Variants in TRAPPC3L observed in about 807,000 individuals in gnomAD.
TRAPPC3L encodes trafficking protein particle complex subunit 3L, also known as trafficking protein particle complex subunit 3-like protein.
TRAPPC3L carries 23 observed loss-of-function variants against 23.7 expected under a neutral mutation model. That is an observed-to-expected ratio of 0.97 (90% CI 0.70 to 1.37). The LOEUF is 1.37. Among genes scored for constraint, TRAPPC3L ranks in the 40% most tolerant of loss-of-function variants. TRAPPC3L has a pLI of 0.00. For synonymous variants in TRAPPC3L, 81 were observed against 77.9 expected, an observed-to-expected ratio of 1.04 and a Z score of -0.21; for missense variants, 212 against 216.8, an observed-to-expected ratio of 0.98 and a Z score of 0.14.
At chr6:116,503,921 GA>G (rs774966744) in intron 3 of TRAPPC3L, among the ~76,000 whole-genome samples, 18 of 152,256 alleles carry the variant, frequency 1.2e-4, no homozygotes, top group Non-Finnish European at 2.4e-4. Context: ...GACAAAGCAG[GA>G]AAGATCTAAA....
chr6:116,543,926 A>ATAGT, intron 1 of TRAPPC3L: 1 of 1,328,952 alleles, frequency 7.5e-7, no homozygotes, highest in Non-Finnish European at 1.0e-6. Context: ...ATATTTCCTT[A>ATAGT]TAGTTCTCCA....
chr6:116,521,433 G>C (rs567952766), intron 3 of TRAPPC3L: 1 of 151,964 alleles, frequency 6.6e-6, no homozygotes, highest in Non-Finnish European at 1.5e-5. Flanking sequence ...TTATTTCCAA[G>C]GGCCAATAGA....
chr6:116,505,105 A>G (rs1283230714), intron 3 of TRAPPC3L, among the ~76,000 whole-genome samples: 2 of 152,204 alleles, frequency 1.3e-5, no homozygotes, highest in East Asian at 1.9e-4. Context: ...ACATGATTGT[A>G]TATTTAGAAA....
intron 3 of TRAPPC3L, among the ~76,000 whole-genome samples, chr6:116,535,722 T>G (rs769675142): frequency 3.9e-5 from 6 of 152,220 alleles, no homozygotes; most frequent in Non-Finnish European, 8.8e-5. Flanking sequence ...CTACTGAATA[T>G]TACACATTTT....
At chr6:116,503,096 A>T (rs1406180825) in intron 3 of TRAPPC3L, among the ~76,000 whole-genome samples, 1 of 152,188 alleles carries the variant, frequency 6.6e-6, no homozygotes, top group Admixed American at 6.5e-5. Flanking sequence ...ATGAAGAGTC[A>T]AGACCCATCA....
intron 3 of TRAPPC3L, chr6:116,516,262 AACAG>A (rs1772222627): frequency 6.3e-6 from 2 of 318,152 alleles, no homozygotes; most frequent in East Asian, 1.0e-4. Context: ...TTTATCATTC[AACAG>A]ACAGACTCAT....
chr6:116,539,564 T>C (rs1773301437), intron 3 of TRAPPC3L, among the ~76,000 whole-genome samples: 1 of 152,232 alleles, frequency 6.6e-6, no homozygotes, highest in African/African-American at 2.4e-5. Flanking sequence ...AGAGGGTTAC[T>C]GTGACAGTGA....
intron 1 of TRAPPC3L, chr6:116,543,892 A>C (rs2031666619): frequency 6.6e-7 from 1 of 1,512,630 alleles, no homozygotes; most frequent in African/African-American, 1.4e-5. Context: ...TTTTCTTTTT[A>C]CTTAGAGAAA....
intron 3 of TRAPPC3L, chr6:116,522,818 G>T (rs1212137324): frequency 6.6e-6 from 1 of 152,080 alleles, no homozygotes; most frequent in East Asian, 1.9e-4. Flanking sequence ...TCACGATGAA[G>T]CTTGTTAGAA....
chr6:116,544,776 T>C (rs924773438), intron 1 of TRAPPC3L, among the ~76,000 whole-genome samples: 27 of 152,098 alleles, frequency 1.8e-4, no homozygotes, highest in Middle Eastern at 3.2e-3. Context: ...AGTTAGTCAC[T>C]ACAATTCTAA....
chr6:116,540,498 T>G (rs1562353728), intron 2 of TRAPPC3L, 36 bp from the exon 3 acceptor site: 1 of 1,538,450 alleles, frequency 6.5e-7, no homozygotes, highest in South Asian at 1.2e-5. Flanking sequence ...CTGAAAATTC[T>G]AAGAAATTAG....
At chr6:116,502,100 C>G (rs576922291) in intron 3 of TRAPPC3L, among the ~76,000 whole-genome samples, 3 of 152,280 alleles carry the variant, frequency 2.0e-5, no homozygotes, top group African/African-American at 7.2e-5. Context: ...ACATTCTAAT[C>G]CATTGCAAGG....
In TRAPPC3L at chr6:116,543,819, C is replaced by G. The variant is rs545032188; in HGVS notation, c.43-419G>C. The stretch of plus-strand genomic sequence containing the variant: ...AGGCGTCTGCACAATCCCTAATGGC[C>G]CCCAGATCTGCCAAGGAGACCTTCA... On this transcript the variant is annotated intron_variant, in intron 1 of 4. Coordinates refer to ENST00000368602, the MANE Select transcript of TRAPPC3L (RefSeq NM_001139444.3). 3.2e-5 allele frequency: 49 copies of G among 1,534,110 alleles called. 1 individual carries two copies. The South Asian group carries it at 5.1e-4, about 16-fold the overall frequency.
At chr6:116,515,876 C>T in intron 3 of TRAPPC3L, 2 of 1,613,910 alleles carry the variant, frequency 1.2e-6, no homozygotes, top group Non-Finnish European at 1.7e-6. Context: ...TTCTTTCCAC[C>T]AAAGCCAGCA....
intron 3 of TRAPPC3L, among the ~76,000 whole-genome samples, chr6:116,512,527 T>C (rs1398565893): frequency 6.6e-6 from 1 of 152,236 alleles, no homozygotes; most frequent in Admixed American, 6.5e-5. Flanking sequence ...GGTCTGTAAA[T>C]AAATAATGCC....
At chr6:116,502,792 G>C (rs1202933442) in intron 3 of TRAPPC3L, among the ~76,000 whole-genome samples, 1 of 152,174 alleles carries the variant, frequency 6.6e-6, no homozygotes, top group Non-Finnish European at 1.5e-5. Flanking sequence ...ATAAGTGAAG[G>C]AGAAATAAAA....
intron 3 of TRAPPC3L, among the ~76,000 whole-genome samples, chr6:116,506,920 G>A (rs1772017525): frequency 6.6e-6 from 1 of 152,010 alleles, no homozygotes; most frequent in South Asian, 2.1e-4. Flanking sequence ...TAAATGTCGA[G>A]GTGATTGGTG....
At chr6:116,510,461 AT>A (rs1772093200) in intron 3 of TRAPPC3L, among the ~76,000 whole-genome samples, 1 of 150,462 alleles carries the variant, frequency 6.6e-6, no homozygotes, top group Non-Finnish European at 1.5e-5. Context: ...TTTTTTTGGT[AT>A]TTTTTTGTAG....
At chr6:116,543,865 G>C in intron 1 of TRAPPC3L, 1 of 1,532,820 alleles carries the variant, frequency 6.5e-7, no homozygotes, top group South Asian at 1.2e-5. Flanking sequence ...AAATGTAGCA[G>C]CAAATTTGTG....
Sources: gnomAD v4.1 joint callset for allele counts (sites outside exome capture counted in the v4.1 genomes callset) on GRCh38, gnomAD v4.1.1 for gene constraint, MANE v1.5 for transcripts, NCBI Gene and HGNC (gene_info 2026-07-23, HGNC 2026-07-21) for gene names.